The following CDH26 variants were observed in gnomAD, a reference collection of about 807,000 sequenced individuals.
CDH26 encodes the protein cadherin 26.
A neutral mutation model predicts 90.3 loss-of-function variants in CDH26; 83 were observed. The observed-to-expected ratio is 0.92, with a 90% CI of 0.77 to 1.10. CDH26 has a LOEUF of 1.10. Among genes scored for constraint, CDH26 ranks in the 50% least tolerant of loss-of-function variants. The pLI is 0.00. For missense variants in CDH26, 1,013 were observed against 1,037.6 expected (o/e 0.98, Z 0.33); for synonymous variants, 397 against 396.3 (o/e 1.00, Z -0.02).
intron 7 of CDH26, among the ~76,000 whole-genome samples, chr20:60,027,199 G>A (rs570391507): frequency 3.3e-4 from 51 of 152,278 alleles, no homozygotes; most frequent in African/African-American, 1.2e-3. Context: ...GCCAGTAGGG[G>A]CCTCAAGGTC....
At position 59,992,324 on chromosome 20, in the gene CDH26, C is replaced by T; in HGVS notation, c.1284-54C>T. The T allele has an allele frequency of 6.5e-7, 1 of 1,549,350 alleles. No individual in the cohort carries two copies. The highest frequency in any genetic ancestry group is 8.7e-7 in the Non-Finnish European group (1 of 1,145,116). The stretch of plus-strand genomic sequence containing the variant: ...TTGTTTTTTTATGCAACTTTTTTAT[C>T]TTTTAATGTAAGTTTTTAATTTTAA... On this transcript the variant is annotated intron_variant, in intron 9 of 17. Transcript: ENST00000348616. The surrounding 1 kb of genome is among the most constrained non-coding windows in gnomAD (Gnocchi z 5.0).
chr20:59,978,500 C>T (rs543170008), intron 4 of CDH26, among the ~76,000 whole-genome samples: 5 of 151,734 alleles, frequency 3.3e-5, no homozygotes, highest in Admixed American at 1.3e-4. Flanking sequence ...CTCAGCCTCC[C>T]GAGTAGTGGG....
Position 59,989,112 on chromosome 20 carries a change from C to G in CDH26, c.1232C>G (p.Pro411Arg), listed in dbSNP as rs2145990541. The change falls in exon 9 of 18, where the codon CCT becomes CGT. Residue 411 changes from proline (P) to arginine (R), a missense_variant. Pro to Arg is a moderately radical substitution (Grantham distance 103). Transcript: ENST00000348616. ...GTCAATAAAGAGGAGGGCGCCAGGCCTGGGACCCTGTTGGGAACTTTTAAT... is the reference window on the plus strand; with the variant it reads ...GTCAATAAAGAGGAGGGCGCCAGGCGTGGGACCCTGTTGGGAACTTTTAAT... ...FIVNKEEGAR[P>R]GTLLGTFNAM... 1 of 1,614,192 alleles carries G rather than the reference C, an allele frequency of 6.2e-7. No individual in the cohort carries two copies.
intron 7 of CDH26, among the ~76,000 whole-genome samples, chr20:60,021,897 C>CATATATATATATATATATATATATAT (rs71228705): frequency 1.3e-5 from 1 of 78,934 alleles, no homozygotes; most frequent in African/African-American, 4.0e-5. Context: ...CACACACACA[C>CATATATATATATATATATATATATAT]ATATATATAT....
intron 7 of CDH26, among the ~76,000 whole-genome samples, chr20:60,021,897 CATAT>C (rs71228705): frequency 1.3e-3 from 100 of 78,956 alleles, no homozygotes; most frequent in South Asian, 6.2e-3. Context: ...CACACACACA[CATAT>C]ATATATATAT....
chr20:59,976,781 G>T (rs1446533060), intron 4 of CDH26, among the ~76,000 whole-genome samples: 8 of 152,130 alleles, frequency 5.3e-5, no homozygotes, highest in African/African-American at 1.9e-4. Context: ...GATACCTGGT[G>T]GGACCACGGT....
intron 6 of CDH26, 62 bp from the exon 7 acceptor site, chr20:59,984,939 C>T (rs1440722602): frequency 2.2e-5 from 35 of 1,583,058 alleles, no homozygotes; most frequent in Non-Finnish European, 3.0e-5. Flanking sequence ...CAGAATATTT[C>T]TTTATTAATA....
At chr20:60,031,486 T>A in intron 8 of CDH26, 1 of 1,050,132 alleles carries the variant, frequency 9.5e-7, no homozygotes, top group Non-Finnish European at 1.2e-6. Flanking sequence ...GATTCAGTTA[T>A]GAATTCAGGC....
chr20:60,027,193 G>T (rs1313946251), intron 7 of CDH26, among the ~76,000 whole-genome samples: 2 of 152,174 alleles, frequency 1.3e-5, no homozygotes, highest in Non-Finnish European at 2.9e-5. Flanking sequence ...CCCTCAGCCA[G>T]TAGGGGCCTC....
chr20:60,003,449 CATTATT>C (rs1157322222), intron 16 of CDH26, among the ~76,000 whole-genome samples: 1 of 152,124 alleles, frequency 6.6e-6, no homozygotes, highest in Non-Finnish European at 1.5e-5. Flanking sequence ...CATTGCCTCG[CATTATT>C]ATAAACTGGT....
intron 5 of CDH26, among the ~76,000 whole-genome samples, chr20:59,983,816 C>T (rs1001401044): frequency 6.6e-6 from 1 of 152,108 alleles, no homozygotes; most frequent in African/African-American, 2.4e-5. Context: ...TGCTTTTTCA[C>T]AGGTGCATAT....
At chr20:60,001,450 A>T in intron 15 of CDH26, 39 bp downstream of exon 15, 1 of 1,607,990 alleles carries the variant, frequency 6.2e-7, no homozygotes, top group Non-Finnish European at 8.5e-7. Context: ...CGGCCATCTC[A>T]CTAGTGACTA....
chr20:59,980,170 G>A (rs181194007), intron 4 of CDH26, among the ~76,000 whole-genome samples: 28 of 152,262 alleles, frequency 1.8e-4, no homozygotes, highest in East Asian at 7.7e-4. Context: ...GGTGTGTAGC[G>A]ATATCTCATT....
intron 2 of CDH26, among the ~76,000 whole-genome samples, chr20:59,969,681 A>G (rs576089598): frequency 1.4e-4 from 22 of 152,356 alleles, no homozygotes; most frequent in African/African-American, 4.6e-4. Context: ...ACAGAGAGGC[A>G]TTAAAGGTCT....
At chr20:60,002,940 A>T (rs1455632177) in intron 16 of CDH26, 74 bp downstream of exon 16, 1 of 1,177,676 alleles carries the variant, frequency 8.5e-7, no homozygotes, top group Non-Finnish European at 1.2e-6. Context: ...CAAATCCCTG[A>T]AAATTGGAAA....
intron 4 of CDH26, among the ~76,000 whole-genome samples, chr20:59,980,083 G>A (rs775099900): frequency 6.6e-6 from 1 of 152,112 alleles, no homozygotes; most frequent in African/African-American, 2.4e-5. Flanking sequence ...CATTAGAAAC[G>A]TATAAGAATT....
chr20:60,005,495 T>TATGTAC (rs2061736370), intron 16 of CDH26, among the ~76,000 whole-genome samples: 1 of 139,836 alleles, frequency 7.2e-6, no homozygotes, highest in African/African-American at 3.3e-5. Flanking sequence ...TATGTATGTA[T>TATGTAC]GTATGTATGT....
Position 59,968,570 on chromosome 20 carries a change from G to C in CDH26, c.70-397G>C, listed in dbSNP as rs538407796. On this transcript the variant is annotated intron_variant, in intron 1 of 17. Coordinates refer to ENST00000348616, the MANE Select transcript of CDH26 (RefSeq NM_177980.4). ...GTAAATAATGTCTTAGAAATAAGGG[G>C]CAAAAAAAACAAAAGAAAAGCCCAC... 2.0e-5 allele frequency among the ~76,000 whole-genome samples: 3 copies of C among 151,494 alleles called. No individual in the cohort carries two copies. The South Asian group carries it at 6.3e-4, about 32-fold the overall frequency.
chr20:60,011,852 C>T (rs995495744), intron 17 of CDH26, among the ~76,000 whole-genome samples: 1 of 152,058 alleles, frequency 6.6e-6, no homozygotes, highest in Non-Finnish European at 1.5e-5. Flanking sequence ...CCTTGTGGAG[C>T]TGTCTGGTTG....
Sources: allele counts gnomAD v4.1 joint callset (sites outside exome capture counted in the v4.1 genomes callset), GRCh38; gene constraint gnomAD v4.1.1; non-coding constraint Gnocchi (gnomAD v3.1); transcripts MANE v1.5; gene names NCBI Gene and HGNC (gene_info 2026-07-23, HGNC 2026-07-21).